LIN54: variants seen among roughly 807,000 people sequenced by gnomAD.
LIN54 encodes lin-54 DREAM MuvB core complex component.
Under a neutral mutation model 78.7 loss-of-function variants are expected in LIN54, and 9 were observed. That is an observed-to-expected ratio of 0.11 (90% CI 0.07 to 0.20). The LOEUF (loss-of-function observed/expected upper bound fraction) is 0.20. Among genes scored for constraint, LIN54 ranks in the 10% least tolerant of loss-of-function variants. The pLI is 1.00. For synonymous variants in LIN54, 269 were observed against 318.4 expected, an observed-to-expected ratio of 0.84 and a Z score of 1.65; for missense variants, 573 against 889.9, an observed-to-expected ratio of 0.64 and a Z score of 4.53.
intron 4 of LIN54, among the ~76,000 whole-genome samples, chr4:82,958,628 C>T (rs1192167450): frequency 1.3e-5 from 2 of 152,124 alleles, no homozygotes; most frequent in Non-Finnish European, 2.9e-5. Flanking sequence ...ATCAAATCAA[C>T]ATAAGTGATT....
intron 11 of LIN54, among the ~76,000 whole-genome samples, chr4:82,932,290 GT>G (rs1722027010): frequency 6.6e-6 from 1 of 150,378 alleles, no homozygotes; most frequent in African/African-American, 2.4e-5. Flanking sequence ...TAGAGACGGG[GT>G]TTCACCGTGT....
chr4:82,962,635 T>C (rs867667802), intron 4 of LIN54, among the ~76,000 whole-genome samples: 1 of 150,268 alleles, frequency 6.7e-6, no homozygotes, highest in East Asian at 1.9e-4. Context: ...GATGAGTAGA[T>C]AGCATAAATA....
chr4:83,002,549 T>G (rs1439114374), intron 1 of LIN54, among the ~76,000 whole-genome samples: 1 of 152,080 alleles, frequency 6.6e-6, no homozygotes, highest in Non-Finnish European at 1.5e-5. Context: ...ACATCAAGTG[T>G]GCCCACCTCT....
chr4:82,946,275 G>A lies in LIN54; in HGVS notation c.1151C>T (p.Thr384Ile). The A allele has an allele frequency of 6.2e-7, 1 of 1,613,868 alleles. No homozygotes were observed. Among genetic ancestry groups the A allele is most frequent in the Non-Finnish European group, 8.5e-7 (1 of 1,179,702 alleles). The change falls in exon 5 of 13, where the codon ACT (threonine) becomes ATT (isoleucine). Residue 384 changes from threonine to isoleucine, a missense_variant. Coordinates refer to ENST00000340417, the MANE Select transcript of LIN54 (RefSeq NM_194282.4). ...QPVSQNPSTN[T>I]QPLQQAKPVV... ...TTACTAACCTTGCTGAAGAGGCTGA[G>A]TGTTTGTACTGGGATTCTGACTAAC...
chr4:83,011,022 C>A (rs1729828951), upstream of LIN54, among the ~76,000 whole-genome samples: 1 of 152,210 alleles, frequency 6.6e-6, no homozygotes. Flanking sequence ...AGTCGCGCCA[C>A]CTGCGGGGTC....
rs1722358490 is a variant in LIN54, at chr4:82,935,902, A to G, written c.1845+79T>C. 3 of 1,417,344 alleles carry G rather than the reference A, an allele frequency of 2.1e-6. No individual in the cohort carries two copies. In the African/African-American group the frequency reaches 4.3e-5, roughly 20 times the overall value. The allele number at this position is 1,417,344 out of a possible 1,614,324, so 87.8% of individuals were successfully genotyped here. A position where few individuals can be genotyped will look rare whatever the true frequency, so the allele number is the denominator to read the frequency against. On this transcript the variant is annotated intron_variant, in intron 11 of 12. Coordinates refer to ENST00000340417, the MANE Select transcript of LIN54 (RefSeq NM_194282.4). Reference sequence around the variant, plus strand: ...ATTGCAATAGCAAGGTGATTTCCCAATTTTCAAGTAAATTTTTGTAGTAGG... The same window carrying G: ...ATTGCAATAGCAAGGTGATTTCCCAGTTTTCAAGTAAATTTTTGTAGTAGG...
chr4:82,960,598 T>C (rs934690365), intron 4 of LIN54, among the ~76,000 whole-genome samples: 2 of 152,062 alleles, frequency 1.3e-5, no homozygotes, highest in African/African-American at 4.8e-5. Flanking sequence ...CACACCTGGC[T>C]AAGTTTTTAT....
At chr4:82,993,497 G>A (rs559034054) in intron 1 of LIN54, among the ~76,000 whole-genome samples, 11 of 151,002 alleles carry the variant, frequency 7.3e-5, no homozygotes, top group East Asian at 4.0e-4. Context: ...GGATCACAGC[G>A]GTGAGCCACC....
intron 1 of LIN54, among the ~76,000 whole-genome samples, chr4:82,994,658 C>T (rs1224541865): frequency 1.3e-5 from 2 of 151,930 alleles, no homozygotes; most frequent in Non-Finnish European, 2.9e-5. Context: ...CCTTGGCCTC[C>T]CGAAGTGCTG....
At chr4:82,965,118 TAA>T (rs1011426195) in intron 4 of LIN54, among the ~76,000 whole-genome samples, 5 of 152,064 alleles carry the variant, frequency 3.3e-5, no homozygotes, top group Admixed American at 6.6e-5. Flanking sequence ...AAAATAATAC[TAA>T]GAGTCTAAGA....
intron 3 of LIN54, among the ~76,000 whole-genome samples, chr4:82,977,776 G>A (rs1726280753): frequency 6.6e-6 from 1 of 152,304 alleles, no homozygotes; most frequent in South Asian, 2.1e-4. Context: ...ACCATCCAGA[G>A]GTGCTTTCAT....
At chr4:82,956,351 A>AC (rs1391531657) in intron 4 of LIN54, among the ~76,000 whole-genome samples, 3 of 9,678 alleles carry the variant, frequency 3.1e-4, no homozygotes, top group East Asian at 2.6e-3. Context: ...TCCCGTCTCA[A>AC]CTAAAAAAAA....
intron 11 of LIN54, among the ~76,000 whole-genome samples, chr4:82,933,475 A>AT (rs1408411124): frequency 6.6e-6 from 1 of 152,036 alleles, no homozygotes; most frequent in African/African-American, 2.4e-5. Context: ...CAACAAGCCT[A>AT]TAGGCATTGA....
At chr4:83,004,399 A>T (rs1413380311) in intron 1 of LIN54, among the ~76,000 whole-genome samples, 1 of 8,610 alleles carries the variant, frequency 1.2e-4, no homozygotes, top group Non-Finnish European at 3.7e-4. Flanking sequence ...ACTCCGTTGC[A>T]AAAAAAAAAA....
intron 4 of LIN54, among the ~76,000 whole-genome samples, chr4:82,963,967 ATTT>A (rs746900205): frequency 5.9e-5 from 9 of 152,076 alleles, no homozygotes; most frequent in Non-Finnish European, 7.4e-5. Context: ...AAATGCCTTA[ATTT>A]TTTATGTATA....
chr4:82,986,678 G>A (rs1401440214), intron 1 of LIN54, among the ~76,000 whole-genome samples: 3 of 136,866 alleles, frequency 2.2e-5, no homozygotes, highest in East Asian at 2.3e-4. Context: ...CACTTGAGCC[G>A]GGCGACAGAG....
intron 11 of LIN54, among the ~76,000 whole-genome samples, chr4:82,933,991 G>A (rs1722181434): frequency 6.6e-6 from 1 of 152,134 alleles, no homozygotes; most frequent in Admixed American, 6.5e-5. Flanking sequence ...GACAATTTTT[G>A]TATGATATGG....
At chr4:83,010,851 C>G, upstream of LIN54, 1 of 1,217,162 alleles carries the variant, frequency 8.2e-7, no homozygotes, top group Non-Finnish European at 1.0e-6. Context: ...TCCTCCCCTC[C>G]CCGCCCGCCC....
At chr4:82,988,421 A>G (rs560763783) in intron 1 of LIN54, among the ~76,000 whole-genome samples, 1 of 152,236 alleles carries the variant, frequency 6.6e-6, no homozygotes, top group South Asian at 2.1e-4. Context: ...ATATGCATTC[A>G]TCTGTTAATG....
Sources: allele counts gnomAD v4.1 joint callset (sites outside exome capture counted in the v4.1 genomes callset), GRCh38; gene constraint gnomAD v4.1.1; transcripts MANE v1.5; gene names NCBI Gene and HGNC (gene_info 2026-07-23, HGNC 2026-07-21).